The following APP variants were observed in gnomAD, a reference collection of about 807,000 sequenced individuals.
APP encodes the protein amyloid-beta precursor protein.
APP carries 31 observed loss-of-function variants against 101.4 expected under a neutral mutation model. That is an observed-to-expected ratio of 0.31 (90% CI 0.23 to 0.41). The LOEUF (loss-of-function observed/expected upper bound fraction) is 0.41. Ranked by LOEUF, APP falls within the 10% of genes least tolerant of loss-of-function variation. The probability of loss-of-function intolerance (pLI) is 1.00; values close to 1 mark genes in which losing one functional copy is unlikely to be tolerated. For synonymous variants in APP, 366 were observed against 364.4 expected (o/e 1.00, Z -0.05); for missense variants, 839 against 1,003.7 (o/e 0.84, Z 2.22).
At chr21:26,012,092 A>ATCT (rs76585677) in intron 6 of APP, among the ~76,000 whole-genome samples, 1 of 150,646 alleles carries the variant, frequency 6.6e-6, no homozygotes, top group Non-Finnish European at 1.5e-5. Flanking sequence ...TGCAGGCTTG[A>ATCT]CCTCACCTGG....
chr21:26,112,085 C>T lies in APP; in HGVS notation c.119G>A (p.Arg40Lys), dbSNP rs772213572. The T allele has an allele frequency of 3.1e-6, 5 of 1,614,082 alleles. No individual in the cohort carries two copies. Among genetic ancestry groups the T allele is most frequent in the Non-Finnish European group, 4.2e-6 (5 of 1,179,968 alleles). The change falls in exon 2 of 18, where the codon AGA (arginine) becomes AAA (lysine). Residue 40 changes from arginine to lysine, a missense_variant. Physicochemically the swap from Arg to Lys is conservative, Grantham distance 26. Coordinates refer to ENST00000346798, the MANE Select transcript of APP (RefSeq NM_000484.4). ...CTGGACATTCATGTGCATGTTCAGT[C>T]TGCCACAGAACATGGCAATCTGGGG... Reference protein sequence around the residue: ...AEPQIAMFCGRLNMHMNVQNG... With the variant: ...AEPQIAMFCGKLNMHMNVQNG...
Position 26,021,917 on chromosome 21 carries a change from T to G in APP, c.788A>C (p.Glu263Ala), listed in dbSNP as rs781049584. ...EVEEEAEEPY[E>A]EATERTTSIA... ...GCTGGTGGTTCTCTCTGTGGCTTCT[T>G]CGTAGGGTTCCTCAGCCTCTTCCTC... is the stretch of plus-strand genomic sequence containing the variant. Residue 263 changes from glutamate to alanine, a missense_variant, in exon 6 of 18, where the codon GAA becomes GCA. By Grantham distance (107) the Glu-to-Ala change is moderately radical (BLOSUM62 -1). Transcript: ENST00000346798. The G allele has an allele frequency of 6.2e-6, 10 of 1,613,096 alleles. No homozygotes were observed. The highest frequency in any genetic ancestry group is 8.5e-6 in the Non-Finnish European group (10 of 1,179,526).
chr21:26,098,354 T>C (rs1293584983), intron 2 of APP, among the ~76,000 whole-genome samples: 2 of 151,966 alleles, frequency 1.3e-5, no homozygotes, highest in African/African-American at 4.8e-5. Context: ...GGAAATATAT[T>C]GATCTCAGAC....
At chr21:26,141,047 A>G (rs910580729) in intron 1 of APP, among the ~76,000 whole-genome samples, 2 of 152,166 alleles carry the variant, frequency 1.3e-5, no homozygotes, top group African/African-American at 4.8e-5. Context: ...TGTAAAATGG[A>G]GTATCTATCT....
At chr21:25,943,774 C>G (rs1020458355) in intron 13 of APP, among the ~76,000 whole-genome samples, 1 of 152,144 alleles carries the variant, frequency 6.6e-6, no homozygotes, top group Non-Finnish European at 1.5e-5. Flanking sequence ...GACTTCCTTA[C>G]AAATAAAAGT....
At chr21:25,925,759 A>AC (rs11431613) in intron 13 of APP, among the ~76,000 whole-genome samples, 152,195 of 152,204 alleles carry the variant, frequency 1, 76,093 homozygotes, top group Middle Eastern at 1. Flanking sequence ...ACATGGTGAA[A>AC]CCCGTCTCTA....
chr21:26,028,947 G>A (rs951077907), intron 5 of APP, among the ~76,000 whole-genome samples: 6 of 152,160 alleles, frequency 3.9e-5, no homozygotes, highest in Non-Finnish European at 7.3e-5. Context: ...GGGTGGTCAG[G>A]GAAGGGCCCC....
At position 25,905,275 on chromosome 21, in the gene APP, C is replaced by G. The variant is rs150759557; in HGVS notation, c.1910-198G>C. Among the ~76,000 whole-genome samples, 2,193 of 152,280 alleles carry G rather than the reference C, an allele frequency of 0.014. 27 individuals are homozygous for G. The highest frequency in any genetic ancestry group is 0.021 in the Non-Finnish European group (1,405 of 68,022). ...AGGGGCACCACTTTAAATGGCTTAT[C>G]GCTATTGATGTGCCAGTCCTGCTCC... is the stretch of plus-strand genomic sequence containing the variant. On this transcript the variant is annotated intron_variant, in intron 14 of 17. Coordinates refer to ENST00000346798, the MANE Select transcript of APP (RefSeq NM_000484.4).
chr21:26,158,637 T>C (rs1482824908), intron 1 of APP, among the ~76,000 whole-genome samples: 3 of 152,180 alleles, frequency 2.0e-5, no homozygotes, highest in Non-Finnish European at 2.9e-5. Flanking sequence ...AAGTACTCCA[T>C]TTCTAAGAAA....
At position 25,889,259 on chromosome 21, in the gene APP, A is replaced by G. The variant is rs572350313; in HGVS notation, c.2211+2463T>C. Among the ~76,000 whole-genome samples, 6 of 152,294 alleles carry G rather than the reference A, an allele frequency of 3.9e-5. No individual in the cohort carries two copies. In the East Asian group the frequency reaches 1.2e-3, roughly 29 times the overall value. ...CACTATGACTGGTGTCCTTGTAGGA[A>G]GAGGTTAGGACACAGCAGAAAAACA... On this transcript the variant is annotated intron_variant, in intron 17 of 17. Coordinates refer to ENST00000346798, the MANE Select transcript of APP (RefSeq NM_000484.4).
rs1434763510 is a variant in APP, at chr21:25,954,655, A to T, written c.1622T>A (p.Met541Lys). The T allele has an allele frequency of 6.2e-7, 1 of 1,614,126 alleles. No homozygotes were observed. Among genetic ancestry groups the T allele is most frequent in the African/African-American group, 1.3e-5 (1 of 75,060 alleles). The part of the protein sequence containing the change: ...MTHLRVIYER[M>K]NQSLSLLYNV... ...GTAGAGCAGGGAGAGAGACTGATTC[A>T]TGCGCTCATAAATCACACGGAGGTG... The change falls in exon 13 of 18, where the codon ATG becomes AAG. Residue 541 changes from methionine to lysine, a missense_variant. Physicochemically the swap from Met to Lys is moderately conservative, Grantham distance 95 (BLOSUM62 -1). Transcript: ENST00000346798.
At chr21:26,130,603 CT>C (rs1569011252) in intron 1 of APP, among the ~76,000 whole-genome samples, 1 of 152,198 alleles carries the variant, frequency 6.6e-6, no homozygotes. Context: ...TCAAGAAGAC[CT>C]GTTTTAGATA....
intron 2 of APP, among the ~76,000 whole-genome samples, chr21:26,099,361 A>G (rs2062011772): frequency 6.6e-6 from 1 of 152,202 alleles, no homozygotes; most frequent in South Asian, 2.1e-4. Context: ...GAAGAAAGTA[A>G]GAAAAATGTC....
At chr21:26,010,243 G>GA (rs1395407538) in intron 6 of APP, among the ~76,000 whole-genome samples, 1 of 151,546 alleles carries the variant, frequency 6.6e-6, no homozygotes, top group Non-Finnish European at 1.5e-5. Context: ...ACAAAACTAG[G>GA]AAAGCAGTTT....
chr21:25,907,558 T>C (rs2038858102), intron 14 of APP, among the ~76,000 whole-genome samples: 1 of 152,248 alleles, frequency 6.6e-6, no homozygotes, highest in East Asian at 1.9e-4. Flanking sequence ...AGCTTTAACT[T>C]TTAATAGAGT....
chr21:26,053,389 TCA>T (rs746833275), intron 3 of APP, 41 bp from the exon 4 acceptor site: 2 of 1,364,218 alleles, frequency 1.5e-6, no homozygotes, highest in East Asian at 2.3e-5. Context: ...TCCATCTGTA[TCA>T]CAGTGTTCTT....
chr21:26,148,914 G>C (rs1225588102), intron 1 of APP, among the ~76,000 whole-genome samples: 1 of 152,196 alleles, frequency 6.6e-6, no homozygotes, highest in Admixed American at 6.5e-5. Context: ...CATATTTCTA[G>C]TAAATTGAAA....
At chr21:26,142,256 A>G (rs776697700) in intron 1 of APP, among the ~76,000 whole-genome samples, 5 of 152,146 alleles carry the variant, frequency 3.3e-5, no homozygotes, top group Non-Finnish European at 5.9e-5. Context: ...CACCAATCTG[A>G]GCATGTTGTG....
At chr21:25,974,398 G>A (rs2042149772) in intron 11 of APP, among the ~76,000 whole-genome samples, 1 of 152,128 alleles carries the variant, frequency 6.6e-6, no homozygotes, top group South Asian at 2.1e-4. Context: ...CTATTTGAGG[G>A]TGAAAGCTTT....
Sources: allele counts gnomAD v4.1 joint callset (sites outside exome capture counted in the v4.1 genomes callset), GRCh38; gene constraint gnomAD v4.1.1; transcripts MANE v1.5; gene names NCBI Gene and HGNC (gene_info 2026-07-23, HGNC 2026-07-21).